MECOM: variants seen among roughly 807,000 people sequenced by gnomAD.
MECOM encodes MDS1 and EVI1 complex locus.
MECOM carries 13 observed loss-of-function variants against 116.3 expected under a neutral mutation model. The observed-to-expected ratio is 0.11, with a 90% CI of 0.07 to 0.18. The LOEUF (loss-of-function observed/expected upper bound fraction) is 0.18, where lower values mean the gene tolerates loss of function less well. MECOM is among the 10% of genes least tolerant of loss of function. MECOM has a pLI of 1.00. For missense variants in MECOM, 1,299 were observed against 1,509.0 expected, an observed-to-expected ratio of 0.86 and a Z score of 2.31; for synonymous variants, 528 against 535.2, an observed-to-expected ratio of 0.99 and a Z score of 0.19.
chr3:169,467,454 G>A (rs1374806959), intron 1 of MECOM, among the ~76,000 whole-genome samples: 1 of 152,112 alleles, frequency 6.6e-6, no homozygotes, highest in Non-Finnish European at 1.5e-5. Flanking sequence ...TAAGTTCACG[G>A]GCCAAGGCAA....
At chr3:169,490,259 T>C (rs528534399) in intron 1 of MECOM, among the ~76,000 whole-genome samples, 1 of 152,252 alleles carries the variant, frequency 6.6e-6, no homozygotes, top group African/African-American at 2.4e-5. Context: ...ATTAGGAGTG[T>C]AAAGTGTACA....
intron 2 of MECOM, among the ~76,000 whole-genome samples, chr3:169,286,029 G>A (rs1046226104): frequency 3.3e-5 from 5 of 152,132 alleles, no homozygotes; most frequent in Admixed American, 1.3e-4. Flanking sequence ...ACATGCATTC[G>A]CTGTGAAAAT....
rs956655071 is a variant in MECOM, at chr3:169,374,372, C to A, written c.375+6815G>T. 3.5e-4 allele frequency among the ~76,000 whole-genome samples: 53 copies of A among 151,926 alleles called. 1 individual carries two copies. Among genetic ancestry groups the A allele is most frequent in the African/African-American group, 1.2e-3 (50 of 41,482 alleles). ...TTTATGGTATTCTGTTACAGTAGCC[C>A]AAGCTGACTAATACAGTCTGCTTAT... On this transcript the variant is annotated intron_variant, in intron 2 of 16. Coordinates refer to ENST00000651503, the MANE Select transcript of MECOM (RefSeq NM_004991.4).
At chr3:169,474,612 G>A (rs747075178) in intron 1 of MECOM, among the ~76,000 whole-genome samples, 1 of 152,090 alleles carries the variant, frequency 6.6e-6, no homozygotes, top group Admixed American at 6.5e-5. Context: ...GTGAAACCTT[G>A]GTGTTAAAAG....
At chr3:169,262,858 A>G (rs538214697) in intron 2 of MECOM, among the ~76,000 whole-genome samples, 1 of 151,876 alleles carries the variant, frequency 6.6e-6, no homozygotes, top group East Asian at 1.9e-4. Flanking sequence ...CATCTTTTAT[A>G]CAGGAGGCAA....
At chr3:169,447,367 T>C (rs1744823103) in intron 1 of MECOM, among the ~76,000 whole-genome samples, 1 of 152,062 alleles carries the variant, frequency 6.6e-6, no homozygotes, top group African/African-American at 2.4e-5. Context: ...AGGGAACAGA[T>C]GAATAATGCA....
intron 2 of MECOM, among the ~76,000 whole-genome samples, chr3:169,258,681 G>A (rs1757169505): frequency 1.3e-5 from 2 of 152,168 alleles, no homozygotes; most frequent in Admixed American, 1.3e-4. Context: ...TCTGAAAACT[G>A]AAGATACACT....
At chr3:169,631,769 A>C (rs992460224) in intron 1 of MECOM, among the ~76,000 whole-genome samples, 3 of 151,810 alleles carry the variant, frequency 2.0e-5, no homozygotes, top group Admixed American at 6.6e-5. Flanking sequence ...ATTTGCACTT[A>C]TTAGAAGGAC....
chr3:169,182,770 C>G (rs1216831433), intron 2 of MECOM, among the ~76,000 whole-genome samples: 1 of 152,258 alleles, frequency 6.6e-6, no homozygotes, highest in South Asian at 2.1e-4. Flanking sequence ...AGGGCTCAAA[C>G]AGATGATCTT....
At chr3:169,602,516 T>C (rs1324680409) in intron 1 of MECOM, among the ~76,000 whole-genome samples, 7 of 152,166 alleles carry the variant, frequency 4.6e-5, no homozygotes, top group African/African-American at 1.7e-4. Context: ...GGAGCTGTCC[T>C]GATTGTAGGA....
chr3:169,495,477 A>C (rs1300032905), intron 1 of MECOM, among the ~76,000 whole-genome samples: 2 of 152,192 alleles, frequency 1.3e-5, no homozygotes, highest in Non-Finnish European at 2.9e-5. Context: ...TTTAGTGTGA[A>C]CCTGTGTCTG....
chr3:169,125,377 T>G (rs146827427), intron 5 of MECOM, among the ~76,000 whole-genome samples: 8 of 152,210 alleles, frequency 5.3e-5, no homozygotes, highest in African/African-American at 1.9e-4. Flanking sequence ...GGCAAGCCAT[T>G]TTATGATATA....
intron 2 of MECOM, among the ~76,000 whole-genome samples, chr3:169,338,548 G>C (rs540620154): frequency 6.6e-6 from 1 of 151,684 alleles, no homozygotes. Flanking sequence ...CCTTTCTATA[G>C]ATAACACTTT....
At chr3:169,551,429 C>G (rs1267758183) in intron 1 of MECOM, among the ~76,000 whole-genome samples, 1 of 151,468 alleles carries the variant, frequency 6.6e-6, no homozygotes, top group Admixed American at 6.6e-5. Flanking sequence ...TCCTCAGAAT[C>G]AGAAACTATG....
At chr3:169,224,702 A>G (rs1752527826) in intron 2 of MECOM, among the ~76,000 whole-genome samples, 2 of 152,210 alleles carry the variant, frequency 1.3e-5, no homozygotes, top group Admixed American at 1.3e-4. Context: ...TTAATTTTTG[A>G]ATAGTTGGCC....
chr3:169,256,325 T>G (rs1756862539), intron 2 of MECOM, among the ~76,000 whole-genome samples: 1 of 151,904 alleles, frequency 6.6e-6, no homozygotes, highest in African/African-American at 2.4e-5. Flanking sequence ...ATATTACCAT[T>G]TTTTCCAATT....
chr3:169,234,674 G>A (rs1019998240), intron 2 of MECOM, among the ~76,000 whole-genome samples: 20 of 152,120 alleles, frequency 1.3e-4, no homozygotes, highest in African/African-American at 4.6e-4. Flanking sequence ...CAGTAGCCCA[G>A]CTTCCACTTC....
At chr3:169,376,039 A>C (rs1230466714) in intron 2 of MECOM, among the ~76,000 whole-genome samples, 1 of 152,170 alleles carries the variant, frequency 6.6e-6, no homozygotes, top group Non-Finnish European at 1.5e-5. Context: ...ACAAATCAAT[A>C]AACATAATCC....
intron 1 of MECOM, among the ~76,000 whole-genome samples, chr3:169,485,943 AT>A (rs368947754): frequency 0.11 from 3,925 of 35,580 alleles, 170 homozygotes; most frequent in South Asian, 0.16. Context: ...GTATATATGT[AT>A]GTATATATGT....
Sources: gnomAD v4.1 joint callset for allele counts (sites outside exome capture counted in the v4.1 genomes callset) on GRCh38, gnomAD v4.1.1 for gene constraint, MANE v1.5 for transcripts, NCBI Gene and HGNC (gene_info 2026-07-23, HGNC 2026-07-21) for gene names.